The following SH3PXD2A variants were observed in gnomAD, a reference collection of about 807,000 sequenced individuals.
SH3PXD2A encodes the protein SH3 and PX domains 2A.
In SH3PXD2A, 32 loss-of-function variants were observed where a neutral mutation model predicts 115.2. The ratio of observed to expected loss-of-function variants is 0.28; its 90% CI spans 0.21 to 0.37. SH3PXD2A has a LOEUF of 0.37. Ranked by LOEUF, SH3PXD2A falls within the 10% of genes least tolerant of loss-of-function variation. The probability of loss-of-function intolerance (pLI) is 1.00; values close to 1 mark genes in which losing one functional copy is unlikely to be tolerated. For synonymous variants in SH3PXD2A, 610 were observed against 629.1 expected (o/e 0.97, Z 0.45); for missense variants, 1,328 against 1,498.7 (o/e 0.89, Z 1.88).
intron 7 of SH3PXD2A, among the ~76,000 whole-genome samples, chr10:103,663,628 C>G (rs183413755): frequency 6.6e-6 from 1 of 152,242 alleles, no homozygotes; most frequent in Non-Finnish European, 1.5e-5. Context: ...GGACATCCCC[C>G]CTGTGTCCCT....
chr10:103,804,045 A>C (rs1032012788), intron 1 of SH3PXD2A, among the ~76,000 whole-genome samples: 1 of 152,186 alleles, frequency 6.6e-6, no homozygotes, highest in Non-Finnish European at 1.5e-5. Context: ...GGATTAAGAT[A>C]AGGGTTTGTG....
At chr10:103,797,341 A>C (rs1564891388) in intron 2 of SH3PXD2A, among the ~76,000 whole-genome samples, 2 of 152,166 alleles carry the variant, frequency 1.3e-5, no homozygotes, top group African/African-American at 4.8e-5. Flanking sequence ...TCTGCTCTGC[A>C]CGGTCCTAAG....
intron 1 of SH3PXD2A, among the ~76,000 whole-genome samples, chr10:103,846,003 T>C (rs563415744): frequency 4.1e-4 from 62 of 152,280 alleles, no homozygotes; most frequent in African/African-American, 1.5e-3. Context: ...TCAGATCAGG[T>C]AAGAGTGATC....
chr10:103,609,021 T>C (rs2036382660), intron 13 of SH3PXD2A: 1 of 151,684 alleles, frequency 6.6e-6, no homozygotes, highest in Non-Finnish European at 1.5e-5. Context: ...GTGGACATGG[T>C]GTTATGCACC....
chr10:103,824,231 C>A (rs899753355), intron 1 of SH3PXD2A, among the ~76,000 whole-genome samples: 2 of 152,186 alleles, frequency 1.3e-5, no homozygotes, highest in African/African-American at 4.8e-5. Flanking sequence ...TGGCTTGGAG[C>A]TTTGATTTCC....
intron 2 of SH3PXD2A, among the ~76,000 whole-genome samples, chr10:103,792,415 T>A (rs1483965583): frequency 1.3e-5 from 2 of 152,132 alleles, no homozygotes; most frequent in East Asian, 3.9e-4. Context: ...CTAGATGGAG[T>A]GGGGCTCTCT....
intron 1 of SH3PXD2A, among the ~76,000 whole-genome samples, chr10:103,835,057 A>AT (rs1481062679): frequency 9.8e-5 from 15 of 152,368 alleles, no homozygotes; most frequent in African/African-American, 3.4e-4. Context: ...GTTGGAGCAC[A>AT]CAGGTGGGGC....
chr10:103,611,979 C>T lies in SH3PXD2A; in HGVS notation c.1259-349G>A, dbSNP rs150901325. ...AGAGACCATGTCTGTTTTTTGCTTA[C>T]TATTAAATCCATAGAAGCTAGCATA... On this transcript the variant is annotated intron_variant, in intron 12 of 14. Coordinates refer to ENST00000369774, the MANE Select transcript of SH3PXD2A (RefSeq NM_001394015.1). Among the ~76,000 whole-genome samples, 742 of 152,270 alleles carry T rather than the reference C, an allele frequency of 4.9e-3. 4 individuals are homozygous for T. The highest frequency in any genetic ancestry group is 0.017 in the African/African-American group (712 of 41,558).
intron 3 of SH3PXD2A, among the ~76,000 whole-genome samples, chr10:103,743,440 G>C (rs901763650): frequency 4.6e-5 from 7 of 152,072 alleles, no homozygotes; most frequent in Admixed American, 4.6e-4. Flanking sequence ...ACCCAGGCTG[G>C]AGTGCAGTGA....
At chr10:103,726,831 C>G (rs1233300410) in intron 4 of SH3PXD2A, among the ~76,000 whole-genome samples, 1 of 152,138 alleles carries the variant, frequency 6.6e-6, no homozygotes, top group Non-Finnish European at 1.5e-5. Context: ...CAAACCCACA[C>G]CCAGGCAAGA....
chr10:103,594,172 A>G lies in SH3PXD2A; in HGVS notation c.*7644T>C, dbSNP rs1201102040. The G allele has an allele frequency of 6.6e-6, 1 of 152,660 alleles. No homozygotes were observed. The highest frequency in any genetic ancestry group is 1.5e-5 in the Non-Finnish European group (1 of 68,058). The allele number at this position is 152,660 out of a possible 1,614,324, so 9.5% of individuals were successfully genotyped here. ...TTCTGCAGACCAAAGAGTCCCGTCA[A>G]AGTGATAAAGGACACCTGGAAAGTG... On this transcript the variant is annotated 3_prime_UTR_variant, in exon 15 of 15. Transcript: ENST00000369774.
chr10:103,775,626 TG>T (rs1389443954), intron 2 of SH3PXD2A, among the ~76,000 whole-genome samples: 1 of 152,196 alleles, frequency 6.6e-6, no homozygotes. Context: ...GGGAGTGATT[TG>T]CCTTGCTCAC....
At chr10:103,701,663 TC>T (rs2037908944) in intron 5 of SH3PXD2A, among the ~76,000 whole-genome samples, 2 of 148,258 alleles carry the variant, frequency 1.3e-5, no homozygotes, top group South Asian at 2.2e-4. Context: ...CCATCCACCA[TC>T]CATCCATCAT....
At position 103,620,781 on chromosome 10, in the gene SH3PXD2A, A is replaced by G. The variant is rs1169398428; in HGVS notation, c.802+1689T>C. ...ATTTGCTTAGGTATGGGTGACCAAG[A>G]ATTAGGCATTTCATTGCGTATTTGT... On this transcript the variant is annotated intron_variant, in intron 10 of 14. Transcript: ENST00000369774. The surrounding 1 kb of genome is among the most constrained non-coding windows in gnomAD (Gnocchi z 5.3). Among the ~76,000 whole-genome samples the G allele has an allele frequency of 6.6e-6, 1 of 152,180 alleles. No individual in the cohort carries two copies. The highest frequency in any genetic ancestry group is 2.4e-5 in the African/African-American group (1 of 41,426).
At chr10:103,632,674 C>T (rs1428871206) in intron 8 of SH3PXD2A, among the ~76,000 whole-genome samples, 1 of 152,168 alleles carries the variant, frequency 6.6e-6, no homozygotes, top group Non-Finnish European at 1.5e-5. Flanking sequence ...TGTCATCTCC[C>T]CTGGCATCAA....
At chr10:103,852,409 T>A (rs1265334431) in intron 1 of SH3PXD2A, among the ~76,000 whole-genome samples, 3 of 152,274 alleles carry the variant, frequency 2.0e-5, no homozygotes, top group Non-Finnish European at 4.4e-5. Context: ...GAGCTCCTCC[T>A]GCGTGGGCCC....
intron 8 of SH3PXD2A, among the ~76,000 whole-genome samples, chr10:103,655,677 G>A (rs1298949390): frequency 4.0e-5 from 6 of 150,562 alleles, no homozygotes; most frequent in South Asian, 2.1e-4. Context: ...GGAGGCTGAC[G>A]CAGGAGAATC....
intron 8 of SH3PXD2A, among the ~76,000 whole-genome samples, chr10:103,660,324 C>A (rs554725963): frequency 6.6e-6 from 1 of 152,234 alleles, no homozygotes; most frequent in Admixed American, 6.5e-5. Context: ...GTACCTTTGC[C>A]CCCTCCGTGG....
intron 5 of SH3PXD2A, among the ~76,000 whole-genome samples, chr10:103,709,972 G>A (rs761258117): frequency 3.2e-4 from 49 of 151,982 alleles, no homozygotes; most frequent in Non-Finnish European, 6.2e-4. Context: ...GTGGACACCT[G>A]TAATCCCAGC....
Sources: allele counts gnomAD v4.1 joint callset (sites outside exome capture counted in the v4.1 genomes callset), GRCh38; gene constraint gnomAD v4.1.1; non-coding constraint Gnocchi (gnomAD v3.1); transcripts MANE v1.5; gene names NCBI Gene and HGNC (gene_info 2026-07-23, HGNC 2026-07-21).